Variants in RGS6 observed in about 807,000 individuals in gnomAD.
RGS6 encodes the protein regulator of G-protein signaling 6.
RGS6 carries 30 observed loss-of-function variants against 78.5 expected under a neutral mutation model. The ratio of observed to expected loss-of-function variants is 0.38; its 90% confidence interval spans 0.29 to 0.52. The LOEUF (loss-of-function observed/expected upper bound fraction) is 0.52, where lower values mean the gene tolerates loss of function less well. Ranked by LOEUF, RGS6 falls within the 20% of genes least tolerant of loss-of-function variation. The pLI, the probability that RGS6 is intolerant of heterozygous loss-of-function variation, is 0.85. For synonymous variants in RGS6, 206 were observed against 206.0 expected (o/e 1.00, Z 0.00); for missense variants, 495 against 609.7 (o/e 0.81, Z 1.98).
chr14:72,365,131 A>C (rs539448825), intron 3 of RGS6, among the ~76,000 whole-genome samples: 2 of 152,348 alleles, frequency 1.3e-5, no homozygotes, highest in East Asian at 3.9e-4. Context: ...GTACCTTTGT[A>C]GTGGATCAAA....
chr14:72,258,413 C>T (rs376427227), intron 2 of RGS6, among the ~76,000 whole-genome samples: 1 of 152,204 alleles, frequency 6.6e-6, no homozygotes, highest in African/African-American at 2.4e-5. Flanking sequence ...TGCTGTACTG[C>T]ACAAGTGCGA....
At chr14:72,180,805 A>G (rs1391420049) in intron 2 of RGS6, among the ~76,000 whole-genome samples, 3 of 152,096 alleles carry the variant, frequency 2.0e-5, no homozygotes, top group Non-Finnish European at 4.4e-5. Context: ...TAAATGATAC[A>G]TTTGGCTGCC....
chr14:72,189,863 A>C (rs1487402276), intron 2 of RGS6, among the ~76,000 whole-genome samples: 1 of 152,128 alleles, frequency 6.6e-6, no homozygotes, highest in African/African-American at 2.4e-5. Context: ...TGGTAACTTA[A>C]ACATAAGCCA....
chr14:71,895,574 T>G, the RGS6 span, among the ~76,000 whole-genome samples: 1 of 152,118 alleles, frequency 6.6e-6, no homozygotes, highest in Non-Finnish European at 1.5e-5. Context: ...CAACTCCCAG[T>G]GTTGATGATC....
intron 2 of RGS6, among the ~76,000 whole-genome samples, chr14:72,270,907 G>A (rs568695705): frequency 2.2e-4 from 33 of 152,310 alleles, no homozygotes; most frequent in Middle Eastern, 3.4e-3. Flanking sequence ...AAGACATGGG[G>A]CATTCCCTTT....
chr14:72,612,353 C>T, the RGS6 span: 2 of 447,156 alleles, frequency 4.5e-6, no homozygotes, highest in South Asian at 1.7e-5. Flanking sequence ...CAGCCACCTG[C>T]TCCCCACCTC....
At chr14:72,213,653 G>C (rs2044741632) in intron 2 of RGS6, among the ~76,000 whole-genome samples, 1 of 152,070 alleles carries the variant, frequency 6.6e-6, no homozygotes, top group African/African-American at 2.4e-5. Flanking sequence ...AATCTTTCTT[G>C]TTCAGCTGTC....
At chr14:72,230,876 T>C (rs1429946069) in intron 2 of RGS6, among the ~76,000 whole-genome samples, 1 of 152,130 alleles carries the variant, frequency 6.6e-6, no homozygotes, top group African/African-American at 2.4e-5. Flanking sequence ...CCTAAATTAG[T>C]GTTTGGTGGG....
At position 72,547,098 on chromosome 14, in the gene RGS6, G is replaced by A. The variant is rs867037669; in HGVS notation, c.1422+7004G>A. 3.4e-5 allele frequency: 48 copies of A among 1,409,082 alleles called. No individual in the cohort carries two copies. The African/African-American group carries it at 4.0e-4, about 12-fold the overall frequency. 87.3% of individuals were successfully genotyped at this position (1,409,082 alleles called of 1,614,324 possible). A position where few individuals can be genotyped will look rare whatever the true frequency, so the allele number is the denominator to read the frequency against. On this transcript the variant is annotated intron_variant, in intron 17 of 17. Coordinates refer to ENST00000553525, the MANE Select transcript of RGS6 (RefSeq NM_001204424.2). Reference sequence around the variant, plus strand: ...AGTGAAGGGGAGTGCAGGGCCCCCCGCAGGATAAACAGCGGGAAGGCCGAC... The same window carrying A: ...AGTGAAGGGGAGTGCAGGGCCCCCCACAGGATAAACAGCGGGAAGGCCGAC...
At chr14:72,113,140 AAAGT>A (rs1282299160) in intron 2 of RGS6, among the ~76,000 whole-genome samples, 5 of 152,204 alleles carry the variant, frequency 3.3e-5, no homozygotes, top group Non-Finnish European at 7.3e-5. Context: ...AGACAGTGAT[AAAGT>A]GAGTAGCTGG....
chr14:72,241,225 G>A (rs557677206), intron 2 of RGS6, among the ~76,000 whole-genome samples: 2 of 149,602 alleles, frequency 1.3e-5, no homozygotes, highest in African/African-American at 4.9e-5. Context: ...AAGAAAAAAA[G>A]CCTGGCATTT....
intron 2 of RGS6, among the ~76,000 whole-genome samples, chr14:72,078,469 A>C (rs2094678507): frequency 6.6e-6 from 1 of 151,710 alleles, no homozygotes; most frequent in African/African-American, 2.4e-5. Flanking sequence ...GCTAGAGTGC[A>C]GTGGCGCCAT....
intron 3 of RGS6, among the ~76,000 whole-genome samples, chr14:72,440,576 C>G (rs2095153767): frequency 1.3e-5 from 2 of 151,910 alleles, no homozygotes; most frequent in African/African-American, 4.8e-5. Context: ...CCATGCCCGG[C>G]TAATTTTTGT....
chr14:72,511,286 A>T (rs2096875090), intron 14 of RGS6, among the ~76,000 whole-genome samples: 1 of 152,250 alleles, frequency 6.6e-6, no homozygotes, highest in South Asian at 2.1e-4. Flanking sequence ...ATTACTTTAA[A>T]AACTCAGAGC....
At chr14:71,955,372 A>G (rs1289951220) in intron 1 of RGS6, among the ~76,000 whole-genome samples, 24 of 152,174 alleles carry the variant, frequency 1.6e-4, no homozygotes, top group Admixed American at 1.4e-3. Flanking sequence ...ACCCCAAGAG[A>G]GGGTTCTTGG....
intron 2 of RGS6, among the ~76,000 whole-genome samples, chr14:72,235,286 G>T (rs948572333): frequency 6.6e-6 from 1 of 152,160 alleles, no homozygotes; most frequent in Non-Finnish European, 1.5e-5. Context: ...AATATGAGAA[G>T]ATCTGAGCCA....
At chr14:72,540,516 C>T in intron 17 of RGS6, 3 of 1,555,254 alleles carry the variant, frequency 1.9e-6, no homozygotes, top group Non-Finnish European at 2.6e-6. Flanking sequence ...GCCAAAATTT[C>T]CCTCTGTGAA....
At chr14:71,899,321 C>T in the RGS6 span, among the ~76,000 whole-genome samples, 1 of 152,174 alleles carries the variant, frequency 6.6e-6, no homozygotes, top group Non-Finnish European at 1.5e-5. Context: ...TTTCTCTTCC[C>T]TGTATTATTA....
At chr14:72,319,419 G>A (rs1292543495) in intron 2 of RGS6, among the ~76,000 whole-genome samples, 3 of 150,550 alleles carry the variant, frequency 2.0e-5, no homozygotes, top group African/African-American at 4.9e-5. Flanking sequence ...ACGTGATCTC[G>A]GCTCACTGCA....
Sources: gnomAD v4.1 joint callset for allele counts (sites outside exome capture counted in the v4.1 genomes callset) on GRCh38, gnomAD v4.1.1 for gene constraint, MANE v1.5 for transcripts, NCBI Gene and HGNC (gene_info 2026-07-23, HGNC 2026-07-21) for gene names.